Variants in GRSF1 observed in about 807,000 individuals in gnomAD.
GRSF1 encodes the protein G-rich sequence factor 1.
Under a neutral mutation model 51.1 loss-of-function variants are expected in GRSF1, and 50 were observed. The ratio of observed to expected loss-of-function variants is 0.98; its 90% CI spans 0.78 to 1.24. The LOEUF (loss-of-function observed/expected upper bound fraction) is 1.24. GRSF1 is among the 50% of genes most tolerant of loss of function. GRSF1 has a pLI of 0.00. For synonymous variants in GRSF1, 293 were observed against 253.3 expected (o/e 1.16, Z -1.49); for missense variants, 700 against 639.7 (o/e 1.09, Z -1.02).
intron 1 of GRSF1, among the ~76,000 whole-genome samples, chr4:70,836,724 A>AT (rs1212804799): frequency 1.3e-5 from 2 of 152,206 alleles, no homozygotes; most frequent in African/African-American, 4.8e-5. Flanking sequence ...GAGTGCTATA[A>AT]TTAAGATACA....
chr4:70,827,961 T>C lies in GRSF1; in HGVS notation c.1026A>G (p.Ala342=), dbSNP rs1733801276. 1.2e-6 allele frequency: 2 copies of C among 1,612,142 alleles called. No homozygotes were observed. The highest frequency in any genetic ancestry group is 1.7e-6 in the Non-Finnish European group (2 of 1,178,304). ...TTATATACTTAGCAGTAGGAAAAGA[T>C]GCGATTTTCTTTCCCTTATAAGAAC... is the stretch of plus-strand genomic sequence containing the variant. ...HVGSYKGKKI[A]SFPTAKYITE... The change falls in exon 6 of 10, where the codon GCA becomes GCG. Residue 342 remains alanine (A), a synonymous_variant. Coordinates refer to ENST00000254799, the MANE Select transcript of GRSF1 (RefSeq NM_002092.4).
rs1424566110 is a variant in GRSF1, at chr4:70,820,114, C to A, written c.*773G>T. 1 of 152,096 alleles carries A rather than the reference C, an allele frequency of 6.6e-6. No homozygotes were observed. The highest frequency in any genetic ancestry group is 2.4e-5 in the African/African-American group (1 of 41,400). 9.4% of individuals were successfully genotyped at this position (152,096 alleles called of 1,614,324 possible). A position where few individuals can be genotyped will look rare whatever the true frequency, so the allele number is the denominator to read the frequency against. ...GACATGTCACTTCACAGTTTTGAGA[C>A]TAACAAACACCCTTAGGTCTACCCC... On this transcript the variant is annotated 3_prime_UTR_variant, in exon 10 of 10. Coordinates refer to ENST00000254799, the MANE Select transcript of GRSF1 (RefSeq NM_002092.4).
Position 70,833,169 on chromosome 4 carries a change from G to C in GRSF1, c.619C>G (p.Gln207Glu), listed in dbSNP as rs772060377. 6.2e-7 allele frequency: 1 copy of C among 1,613,830 alleles called. No homozygotes were observed. The highest frequency in any genetic ancestry group is 1.1e-5 in the South Asian group (1 of 91,084). ...ATGCGGTGCTTCTCTAAGGCTTTCT[G>C]CACATCCTGCTCTGACTCCATTTCA... The part of the protein sequence containing the change: ...LIEMESEQDV[Q>E]KALEKHRMYM... Residue 207 changes from glutamine to glutamate, a missense_variant, in exon 3 of 10, where the codon CAG (glutamine) becomes GAG (glutamate). Transcript: ENST00000254799.
At chr4:70,834,078 G>A (rs1190350634) in intron 2 of GRSF1, among the ~76,000 whole-genome samples, 1 of 152,072 alleles carries the variant, frequency 6.6e-6, no homozygotes, top group Non-Finnish European at 1.5e-5. Flanking sequence ...GGCCAACACG[G>A]CAAAACCCTG....
chr4:70,830,101 G>A (rs1407885285), intron 5 of GRSF1, among the ~76,000 whole-genome samples: 1 of 151,938 alleles, frequency 6.6e-6, no homozygotes, highest in Non-Finnish European at 1.5e-5. Flanking sequence ...TAAAAAGGGG[G>A]GAAGAATAAG....
At chr4:70,823,974 C>CTTTTT (rs577909875) in intron 9 of GRSF1, among the ~76,000 whole-genome samples, 4,456 of 100,806 alleles carry the variant, frequency 0.044, 853 homozygotes, top group East Asian at 0.16. Flanking sequence ...TTGTATCTCT[C>CTTTTT]TCTTTTTTTT....
intron 3 of GRSF1, among the ~76,000 whole-genome samples, chr4:70,832,861 T>C (rs1204633749): frequency 1.3e-5 from 2 of 152,170 alleles, no homozygotes; most frequent in African/African-American, 4.8e-5. Flanking sequence ...GACAGGAGAA[T>C]TGCTTGAACC....
rs1351211243 is a variant in GRSF1, at chr4:70,819,455, T to C, written c.*1432A>G. The C allele has an allele frequency of 6.6e-6, 1 of 152,182 alleles. No homozygotes were observed. The highest frequency in any genetic ancestry group is 1.5e-5 in the Non-Finnish European group (1 of 68,046). 9.4% of individuals were successfully genotyped at this position (152,182 alleles called of 1,614,324 possible). A position where few individuals can be genotyped will look rare whatever the true frequency, so the allele number is the denominator to read the frequency against. ...CGAAAATTAACCCTTACTACTTATA[T>C]TAATATAGCAGGACTTGAGGTAATA... On this transcript the variant is annotated 3_prime_UTR_variant, in exon 10 of 10. Coordinates refer to ENST00000254799, the MANE Select transcript of GRSF1 (RefSeq NM_002092.4).
chr4:70,840,375 T>G (rs1734422409), upstream of GRSF1, among the ~76,000 whole-genome samples: 1 of 152,212 alleles, frequency 6.6e-6, no homozygotes, highest in Admixed American at 6.5e-5. Flanking sequence ...CTTGTAATCC[T>G]AGCACTTTGG....
rs1281696704 is a variant in GRSF1, at chr4:70,820,215, GCAC to G, written c.*669_*671del. 1 of 152,364 alleles carries G rather than the reference GCAC, an allele frequency of 6.6e-6. No individual in the cohort carries two copies. Among genetic ancestry groups the G allele is most frequent in the Non-Finnish European group, 1.5e-5 (1 of 68,030 alleles). The allele number at this position is 152,364 out of a possible 1,614,324, so 9.4% of individuals were successfully genotyped here. A position where few individuals can be genotyped will look rare whatever the true frequency, so the allele number is the denominator to read the frequency against. On this transcript the variant is annotated 3_prime_UTR_variant, in exon 10 of 10. Coordinates refer to ENST00000254799, the MANE Select transcript of GRSF1 (RefSeq NM_002092.4). The stretch of plus-strand genomic sequence containing the variant: ...CTAGAATGCCCCCTTAAGTAGATAG[GCAC>G]CACCGTTATACGCCTTTAGCACAAG...
chr4:70,821,249 A>T (rs1332591821), intron 9 of GRSF1, among the ~76,000 whole-genome samples: 1 of 152,114 alleles, frequency 6.6e-6, no homozygotes, highest in Non-Finnish European at 1.5e-5. Flanking sequence ...CAACATAAAG[A>T]AACCCCGTCT....
At chr4:70,832,575 T>G in intron 3 of GRSF1, 125 bp from the exon 4 acceptor site, 4 of 592,466 alleles carry the variant, frequency 6.8e-6, no homozygotes, top group Non-Finnish European at 9.0e-6. Flanking sequence ...CTTTATGCGC[T>G]TCTCTAGAGA....
chr4:70,839,025 A>ACCGAGAGGCGCCGAGGGCCGC, intron 1 of GRSF1: 1 of 745,792 alleles, frequency 1.3e-6, no homozygotes, highest in Non-Finnish European at 1.9e-6. Context: ...GCAGCGGCCG[A>ACCGAGAGGCGCCGAGGGCCGC]CCGAGAGGCG....
In GRSF1 at chr4:70,823,974, C is replaced by CTTTTTTTTT. The variant is rs577909875; in HGVS notation, c.*25+319_*25+320insAAAAAAAAA. Among the ~76,000 whole-genome samples, 69 of 100,956 alleles carry CTTTTTTTTT rather than the reference C, an allele frequency of 6.8e-4. 19 individuals are homozygous for CTTTTTTTTT. The highest frequency in any genetic ancestry group is 9.4e-3 in the Middle Eastern group (1 of 106). 66.2% of individuals were successfully genotyped at this position (100,956 alleles called of 152,430 possible). ...AAATAATTTCCACAGTTGTATCTCT[C>CTTTTTTTTT]TCTTTTTTTTTTTTTTTTTTGAGTC... On this transcript the variant is annotated intron_variant, in intron 9 of 9. Coordinates refer to ENST00000254799, the MANE Select transcript of GRSF1 (RefSeq NM_002092.4).
In GRSF1 at chr4:70,832,336, T is replaced by C; in HGVS notation, c.785A>G (p.Asn262Ser). Residue 262 changes from asparagine (N) to serine (S), a missense_variant, in exon 4 of 10, where the codon AAT (asparagine) becomes AGT (serine). Transcript: ENST00000254799. Reference protein sequence around the residue: ...VRLRGLPYSCNEKDIVDFFAG... With the variant: ...VRLRGLPYSCSEKDIVDFFAG... ...AAAGAAGTCTACAATGTCTTTCTCA[T>C]TGCAACTATAAGGAAGTCCTCTCAA... 1 of 1,613,692 alleles carries C rather than the reference T, an allele frequency of 6.2e-7. No homozygotes were observed. The highest frequency in any genetic ancestry group is 8.5e-7 in the Non-Finnish European group (1 of 1,179,682).
At position 70,824,354 on chromosome 4, in the gene GRSF1, C is replaced by T; in HGVS notation, c.1408G>A (p.Glu470Lys). ...DRSHVHHRYIELFLNSCPKGK is the reference protein window; with the variant it reads ...DRSHVHHRYIKLFLNSCPKGK The stretch of plus-strand genomic sequence containing the variant: ...TTTGGACATGAATTCAGGAACAGTT[C>T]AATATACCTATGATCTGAGGATAAT... Residue 470 changes from glutamate to lysine, a missense_variant, in exon 9 of 10, where the codon GAA (glutamate) becomes AAA (lysine). Physicochemically the swap from Glu to Lys is moderately conservative, Grantham distance 56. Coordinates refer to ENST00000254799, the MANE Select transcript of GRSF1 (RefSeq NM_002092.4). The T allele has an allele frequency of 2.7e-6, 4 of 1,470,870 alleles. No individual in the cohort carries two copies. Among genetic ancestry groups the T allele is most frequent in the Non-Finnish European group, 3.8e-6 (4 of 1,061,026 alleles). The allele number at this position is 1,470,870 out of a possible 1,614,324, so 91.1% of individuals were successfully genotyped here.
intron 5 of GRSF1, among the ~76,000 whole-genome samples, chr4:70,829,964 CTG>C (rs1733893625): frequency 6.6e-6 from 1 of 152,110 alleles, no homozygotes; most frequent in African/African-American, 2.4e-5. Flanking sequence ...ACATTTTAAA[CTG>C]TACCTCCAAA....
chr4:70,824,027 G>A (rs1733634664), intron 9 of GRSF1, among the ~76,000 whole-genome samples: 2 of 124,874 alleles, frequency 1.6e-5, no homozygotes, highest in South Asian at 2.7e-4. Context: ...CTGGAGTGCA[G>A]TGGCACAATC....
At chr4:70,829,603 G>A (rs1410343160) in intron 5 of GRSF1, among the ~76,000 whole-genome samples, 1 of 152,064 alleles carries the variant, frequency 6.6e-6, no homozygotes, top group Non-Finnish European at 1.5e-5. Context: ...GCAGTGAGCT[G>A]TATCACACAA....
Sources: gnomAD v4.1 joint callset for allele counts (sites outside exome capture counted in the v4.1 genomes callset) on GRCh38, gnomAD v4.1.1 for gene constraint, MANE v1.5 for transcripts, NCBI Gene and HGNC (gene_info 2026-07-23, HGNC 2026-07-21) for gene names.